The following GPC5 variants were observed in gnomAD, a reference collection of about 807,000 sequenced individuals.
GPC5 encodes the protein glypican-5.
GPC5 carries 47 observed loss-of-function variants against 53.9 expected under a neutral mutation model. The ratio of observed to expected loss-of-function variants is 0.87; its 90% CI spans 0.69 to 1.11. The LOEUF is 1.11. GPC5 is among the 50% of genes most tolerant of loss of function. The probability of loss-of-function intolerance (pLI) is 0.00; values close to 1 mark genes in which losing one functional copy is unlikely to be tolerated. For missense variants in GPC5, 748 were observed against 713.1 expected (o/e 1.05, Z -0.56); for synonymous variants, 286 against 263.3 (o/e 1.09, Z -0.84).
intron 6 of GPC5, among the ~76,000 whole-genome samples, chr13:91,964,667 TC>T (rs1185052328): frequency 6.6e-5 from 10 of 152,050 alleles, no homozygotes; most frequent in African/African-American, 2.4e-4. Flanking sequence ...GTTCTCCAAA[TC>T]CCCATCCCAC....
chr13:92,305,935 G>A (rs2043107864), intron 7 of GPC5, among the ~76,000 whole-genome samples: 1 of 152,184 alleles, frequency 6.6e-6, no homozygotes, highest in Non-Finnish European at 1.5e-5. Flanking sequence ...GATTGCCCAA[G>A]AAAGGCAAAG....
At chr13:92,698,743 C>T (rs1210382144) in intron 7 of GPC5, among the ~76,000 whole-genome samples, 13 of 152,224 alleles carry the variant, frequency 8.5e-5, no homozygotes, top group Middle Eastern at 6.8e-3. Context: ...AGCACCACAC[C>T]GACTTCCACA....
rs560256137 is a variant in GPC5, at chr13:91,822,608, A to G, written c.1280+66188A>G. Among the ~76,000 whole-genome samples the G allele has an allele frequency of 2.6e-5, 4 of 152,270 alleles. No homozygotes were observed. In the South Asian group the frequency reaches 8.3e-4, roughly 32 times the overall value. On this transcript the variant is annotated intron_variant, in intron 5 of 7. Transcript: ENST00000377067. ...TCAGATCTTGTGAGACCTATTCACTATCATGAAAACAGCACAGGAAAAACT... is the reference window on the plus strand; with the variant it reads ...TCAGATCTTGTGAGACCTATTCACTGTCATGAAAACAGCACAGGAAAAACT...
chr13:91,935,427 CCA>C lies in GPC5; in HGVS notation c.1401+27372_1401+27373del, dbSNP rs544302276. Among the ~76,000 whole-genome samples, 20 of 152,096 alleles carry C rather than the reference CCA, an allele frequency of 1.3e-4. 1 individual carries two copies. The South Asian group carries it at 4.1e-3, about 32-fold the overall frequency. On this transcript the variant is annotated intron_variant, in intron 6 of 7. Coordinates refer to ENST00000377067, the MANE Select transcript of GPC5 (RefSeq NM_004466.6). ...GAAACCAGAGAGCTACTAGTTCCTTCCACCATGTGAGGACACAGCAGTAAAGC... is the reference window on the plus strand; with the variant it reads ...GAAACCAGAGAGCTACTAGTTCCTTCCCATGTGAGGACACAGCAGTAAAGC...
intron 7 of GPC5, among the ~76,000 whole-genome samples, chr13:92,317,024 A>T (rs938932427): frequency 4.6e-5 from 7 of 152,182 alleles, no homozygotes; most frequent in African/African-American, 1.7e-4. Context: ...ACTACAGAAA[A>T]TTCTATTTCA....
intron 4 of GPC5, among the ~76,000 whole-genome samples, chr13:91,754,876 C>T (rs1168964508): frequency 4.6e-5 from 7 of 152,070 alleles, no homozygotes; most frequent in Non-Finnish European, 7.4e-5. Flanking sequence ...ATCTAAGTTA[C>T]AGTTAAGTCA....
intron 2 of GPC5, among the ~76,000 whole-genome samples, chr13:91,474,966 C>T (rs894073199): frequency 6.6e-6 from 1 of 152,040 alleles, no homozygotes; most frequent in Non-Finnish European, 1.5e-5. Context: ...TAATTTGTAA[C>T]ACATAAACAA....
chr13:91,974,759 G>GA (rs1022148181), intron 6 of GPC5, among the ~76,000 whole-genome samples: 19 of 152,122 alleles, frequency 1.2e-4, no homozygotes, highest in African/African-American at 2.7e-4. Context: ...CACAGAATTG[G>GA]AAAAAACTAC....
chr13:91,655,725 C>T (rs1273637413), intron 2 of GPC5, among the ~76,000 whole-genome samples: 3 of 152,014 alleles, frequency 2.0e-5, no homozygotes, highest in Admixed American at 2.0e-4. Flanking sequence ...AATAAACAAA[C>T]AGTGCCCTAT....
At chr13:92,550,356 T>G (rs908234029) in intron 7 of GPC5, among the ~76,000 whole-genome samples, 1 of 151,952 alleles carries the variant, frequency 6.6e-6, no homozygotes, top group Non-Finnish European at 1.5e-5. Flanking sequence ...GTTTTCTCTA[T>G]TCAGTATATA....
At chr13:91,911,548 A>G (rs1264299220) in intron 6 of GPC5, among the ~76,000 whole-genome samples, 3 of 152,154 alleles carry the variant, frequency 2.0e-5, no homozygotes, top group Non-Finnish European at 4.4e-5. Context: ...ATCTCAAAAT[A>G]AATAAATAAA....
intron 7 of GPC5, among the ~76,000 whole-genome samples, chr13:92,474,772 G>C (rs1181582711): frequency 6.6e-6 from 1 of 152,002 alleles, no homozygotes; most frequent in Non-Finnish European, 1.5e-5. Flanking sequence ...CCCAAGTCAG[G>C]ATTCTCTATT....
chr13:91,961,967 T>C (rs2040130159), intron 6 of GPC5, among the ~76,000 whole-genome samples: 1 of 152,124 alleles, frequency 6.6e-6, no homozygotes, highest in Non-Finnish European at 1.5e-5. Flanking sequence ...TTTTTCTATA[T>C]CTACATGTCA....
intron 5 of GPC5, among the ~76,000 whole-genome samples, chr13:91,780,434 T>A (rs2037780609): frequency 6.6e-6 from 1 of 152,146 alleles, no homozygotes; most frequent in Non-Finnish European, 1.5e-5. Context: ...TTTGAACTTT[T>A]TATTATATTT....
At chr13:92,028,482 C>T (rs1048138576) in intron 6 of GPC5, among the ~76,000 whole-genome samples, 2 of 152,100 alleles carry the variant, frequency 1.3e-5, no homozygotes, top group Non-Finnish European at 2.9e-5. Context: ...AGGTGACCGT[C>T]TCCCAAATTA....
chr13:92,647,433 GC>G (rs1885810187), intron 7 of GPC5, among the ~76,000 whole-genome samples: 1 of 152,094 alleles, frequency 6.6e-6, no homozygotes, highest in Non-Finnish European at 1.5e-5. Context: ...CATACAAAAA[GC>G]TGAATCTAAG....
chr13:92,282,419 A>C (rs1274806086), intron 7 of GPC5, among the ~76,000 whole-genome samples: 1 of 152,126 alleles, frequency 6.6e-6, no homozygotes, highest in Non-Finnish European at 1.5e-5. Flanking sequence ...ACTCCTTGAG[A>C]AGAGCAACTC....
chr13:91,804,904 G>T (rs571387602), intron 5 of GPC5, among the ~76,000 whole-genome samples: 35 of 152,338 alleles, frequency 2.3e-4, no homozygotes, highest in South Asian at 6.2e-4. Flanking sequence ...GGCAGGCCAG[G>T]TTGACATGAG....
chr13:92,278,241 C>A (rs1350349832), intron 7 of GPC5, among the ~76,000 whole-genome samples: 1 of 151,768 alleles, frequency 6.6e-6, no homozygotes, highest in Non-Finnish European at 1.5e-5. Context: ...TTTAGATATT[C>A]AAACTACTTT....
Sources: allele counts gnomAD v4.1 joint callset (sites outside exome capture counted in the v4.1 genomes callset), GRCh38; gene constraint gnomAD v4.1.1; transcripts MANE v1.5; gene names NCBI Gene and HGNC (gene_info 2026-07-23, HGNC 2026-07-21).